The following WDR20 variants were observed in gnomAD, a reference collection of about 807,000 sequenced individuals.
WDR20 encodes WD repeat domain 20.
A neutral mutation model predicts 38.7 loss-of-function variants in WDR20; 3 were observed. The ratio of observed to expected loss-of-function variants is 0.08; its 90% CI spans 0.04 to 0.20. The LOEUF (loss-of-function observed/expected upper bound fraction) is 0.20. WDR20 is among the 10% of genes least tolerant of loss of function. The pLI is 1.00. For missense variants in WDR20, 559 were observed against 727.7 expected (o/e 0.77, Z 2.67); for synonymous variants, 298 against 285.6 (o/e 1.04, Z -0.44).
intron 2 of WDR20, among the ~76,000 whole-genome samples, chr14:102,204,795 G>A (rs778940599): frequency 2.0e-5 from 3 of 152,232 alleles, no homozygotes; most frequent in Non-Finnish European, 4.4e-5. Context: ...ACTCACACAT[G>A]TGAAAAGTGC....
intron 1 of WDR20, among the ~76,000 whole-genome samples, chr14:102,158,928 T>C (rs1448025603): frequency 6.6e-6 from 1 of 152,008 alleles, no homozygotes; most frequent in African/African-American, 2.4e-5. Flanking sequence ...AGAGACTCTT[T>C]CTGACACCCA....
intron 1 of WDR20, among the ~76,000 whole-genome samples, chr14:102,147,637 CAAACTT>C (rs544849573): frequency 5.3e-4 from 80 of 152,288 alleles, no homozygotes; most frequent in African/African-American, 1.7e-3. Context: ...GCTTTGATGG[CAAACTT>C]GAGCTTGAGC....
At chr14:102,204,824 A>G (rs2061217490) in intron 2 of WDR20, among the ~76,000 whole-genome samples, 2 of 152,250 alleles carry the variant, frequency 1.3e-5, no homozygotes. Context: ...AAGGGCATTC[A>G]TTGCTACATA....
chr14:102,223,830 G>T (rs1295491313), downstream of WDR20, among the ~76,000 whole-genome samples: 1 of 152,104 alleles, frequency 6.6e-6, no homozygotes. Flanking sequence ...TGGCTCAGGA[G>T]GGCGTGGGCT....
downstream of WDR20, chr14:102,224,499 A>T: frequency 2.3e-6 from 1 of 444,194 alleles, no homozygotes; most frequent in Non-Finnish European, 4.5e-6. Context: ...ATACAACTGG[A>T]TCCTTCGAAA....
At chr14:102,185,071 C>T (rs1312616818) in intron 1 of WDR20, among the ~76,000 whole-genome samples, 1 of 152,206 alleles carries the variant, frequency 6.6e-6, no homozygotes, top group Non-Finnish European at 1.5e-5. Context: ...GGAAAACCTG[C>T]TGAAAGTGGG....
chr14:102,176,238 C>CA (rs1316466416), intron 1 of WDR20, among the ~76,000 whole-genome samples: 3 of 151,572 alleles, frequency 2.0e-5, no homozygotes, highest in South Asian at 4.2e-4. Flanking sequence ...ACTAAAAATA[C>CA]AAAAAAATTA....
At chr14:102,193,135 G>GTT (rs537637936) in intron 1 of WDR20, among the ~76,000 whole-genome samples, 27 of 137,058 alleles carry the variant, frequency 2.0e-4, no homozygotes, top group South Asian at 2.3e-4. Context: ...TTTTTTTTTT[G>GTT]TTTTTTTTTT....
At chr14:102,189,978 G>A (rs1455066859) in intron 1 of WDR20, among the ~76,000 whole-genome samples, 3 of 152,160 alleles carry the variant, frequency 2.0e-5, no homozygotes, top group Non-Finnish European at 2.9e-5. Flanking sequence ...TGACGGGCAC[G>A]ATTCCTGGGG....
At chr14:102,213,344 T>A (rs1349198904), downstream of WDR20, 1 of 985,372 alleles carries the variant, frequency 1.0e-6, no homozygotes, top group Non-Finnish European at 1.2e-6. Context: ...AAATAACCAG[T>A]AGCCTTGGGG....
chr14:102,197,012 C>T (rs979382308), intron 2 of WDR20, among the ~76,000 whole-genome samples: 1 of 152,084 alleles, frequency 6.6e-6, no homozygotes, highest in Non-Finnish European at 1.5e-5. Context: ...AGGTTTGTTC[C>T]TTAGAGAGTG....
chr14:102,151,679 A>G (rs1039210738), intron 1 of WDR20, among the ~76,000 whole-genome samples: 8 of 151,674 alleles, frequency 5.3e-5, no homozygotes, highest in African/African-American at 1.9e-4. Flanking sequence ...ATGAACCACC[A>G]TGCTGGGCCA....
chr14:102,194,503 A>C (rs1243313410), intron 1 of WDR20, among the ~76,000 whole-genome samples: 1 of 152,154 alleles, frequency 6.6e-6, no homozygotes, highest in Non-Finnish European at 1.5e-5. Flanking sequence ...TGGGGATTAC[A>C]CTTTGAGAAC....
rs1015901312 is a variant in WDR20 at position 102,187,417 on chromosome 14, G to GT, written c.250-7521_250-7520insT. On this transcript the variant is annotated intron_variant, in intron 1 of 2. Coordinates refer to ENST00000342702, the MANE Select transcript of WDR20 (RefSeq NM_144574.4). Reference sequence around the variant, plus strand: ...GAATGTCACACATAGGCTGGGGGGGGGCTCAGGAGGACATGACATCTCTGC... The same window carrying GT: ...GAATGTCACACATAGGCTGGGGGGGGTGCTCAGGAGGACATGACATCTCTGC... 1.0e-3 allele frequency among the ~76,000 whole-genome samples: 159 copies of GT among 152,092 alleles called. 2 individuals carry two copies. Among genetic ancestry groups the GT allele is most frequent in the Admixed American group, 2.9e-3 (45 of 15,270 alleles).
At chr14:102,214,830 ATTG>A (rs2063016252), downstream of WDR20, 1 of 981,592 alleles carries the variant, frequency 1.0e-6, no homozygotes, top group Non-Finnish European at 1.2e-6. Flanking sequence ...TAGTATCAGT[ATTG>A]TTTTATAATT....
downstream of WDR20, among the ~76,000 whole-genome samples, chr14:102,218,786 G>A (rs919036364): frequency 2.0e-5 from 3 of 152,234 alleles, no homozygotes; most frequent in East Asian, 5.8e-4. Context: ...ACGCCGTGCA[G>A]ATTCTGCCTG....
rs534132955 is a variant in WDR20, at chr14:102,178,751, A to G, written c.250-16187A>G. ...TCAGCTCACTGACTATTTAATTTGTAGACTATACTAATCACTGCTGATTTG... is the reference window on the plus strand; with the variant it reads ...TCAGCTCACTGACTATTTAATTTGTGGACTATACTAATCACTGCTGATTTG... On this transcript the variant is annotated intron_variant, in intron 1 of 2. Transcript: ENST00000342702. 7.2e-5 allele frequency among the ~76,000 whole-genome samples: 11 copies of G among 152,090 alleles called. No individual in the cohort carries two copies. The East Asian group carries it at 2.1e-3, about 29-fold the overall frequency.
At chr14:102,213,880 G>A (rs1211502488), downstream of WDR20, 24 of 985,324 alleles carry the variant, frequency 2.4e-5, no homozygotes, top group Non-Finnish European at 2.9e-5. Context: ...GGAAACCCAA[G>A]CGCCACATCA....
At chr14:102,154,554 C>T (rs763143289) in intron 1 of WDR20, among the ~76,000 whole-genome samples, 9 of 152,166 alleles carry the variant, frequency 5.9e-5, no homozygotes, top group Non-Finnish European at 1.2e-4. Context: ...CAGACCATAG[C>T]ACTGGTATTG....
Sources: allele counts gnomAD v4.1 joint callset (sites outside exome capture counted in the v4.1 genomes callset), GRCh38; gene constraint gnomAD v4.1.1; transcripts MANE v1.5; gene names NCBI Gene and HGNC (gene_info 2026-07-23, HGNC 2026-07-21).